The following USP19 variants were observed in gnomAD, a reference collection of about 807,000 sequenced individuals.
USP19 encodes the protein ubiquitin carboxyl-terminal hydrolase 19.
USP19 carries 40 observed loss-of-function variants against 144.8 expected under a neutral mutation model. The ratio of observed to expected loss-of-function variants is 0.28; its 90% CI spans 0.21 to 0.36. The LOEUF is 0.36. Ranked by LOEUF, USP19 falls within the 10% of genes least tolerant of loss-of-function variation. USP19 has a pLI of 1.00. For missense variants in USP19, 1,518 were observed against 1,822.5 expected (o/e 0.83, Z 3.04); for synonymous variants, 701 against 709.3 (o/e 0.99, Z 0.19).
chr3:49,117,975 G>A lies in USP19; in HGVS notation c.270C>T (p.Ser90=), dbSNP rs374615602. The A allele has an allele frequency of 1.2e-6, 2 of 1,611,966 alleles. No individual in the cohort carries two copies. The highest frequency in any genetic ancestry group is 1.7e-6 in the Non-Finnish European group (2 of 1,179,492). The change falls in exon 3 of 27, where the codon TCC becomes TCT. Residue 90 remains serine, a synonymous_variant. Transcript: ENST00000417901. The surrounding 1 kb of genome is among the most constrained non-coding windows in gnomAD (Gnocchi z 4.4). ...LFFPSSSGSA[S]TPQEEQTKEG... Reference sequence around the variant, plus strand: ...CTTTGGTCTGCTCCTCTTGAGGAGTGGATGCTGACCCTGACGATGAAGGAA... The same window carrying A: ...CTTTGGTCTGCTCCTCTTGAGGAGTAGATGCTGACCCTGACGATGAAGGAA...
Position 49,115,190 on chromosome 3 carries a change from G to GC in USP19, c.2022+37dup. 1 of 1,612,566 alleles carries GC rather than the reference G, an allele frequency of 6.2e-7. No individual in the cohort carries two copies. On this transcript the variant is annotated intron_variant, in intron 13 of 26. Coordinates refer to ENST00000417901, the MANE Select transcript of USP19 (RefSeq NM_001199161.2). This position sits in a 1 kb window ranked among gnomAD's most constrained non-coding sequence, Gnocchi z 6.6. ...CACACCCAGCTGGCTGGCCCTCCCC[G>GC]CCCCCTCCAGCCAAGGGTGACAGTG...
chr3:49,112,729 G>A lies in USP19; in HGVS notation c.2506-100C>T, dbSNP rs1188036742. The stretch of plus-strand genomic sequence containing the variant: ...CTTGGCCCTGCCTTGGGTCTATGTG[G>A]GCAGTGGTGAGGTCTGTAGGCCCAA... On this transcript the variant is annotated intron_variant, in intron 17 of 26. Transcript: ENST00000417901. This position sits in a 1 kb window ranked among gnomAD's most constrained non-coding sequence, Gnocchi z 4.9. 3.3e-6 allele frequency: 5 copies of A among 1,501,670 alleles called. No individual in the cohort carries two copies. The highest frequency in any genetic ancestry group is 3.6e-6 in the Non-Finnish European group (4 of 1,119,216). 93.0% of individuals were successfully genotyped at this position (1,501,670 alleles called of 1,614,324 possible). A position where few individuals can be genotyped will look rare whatever the true frequency, so the allele number is the denominator to read the frequency against.
In USP19 at chr3:49,112,938, G is replaced by A. The variant is rs1282115386; in HGVS notation, c.2506-309C>T. ...AGACTGTAACATATTATCATGGAGGGTCCACATTCAAAGAGCCTCCTCCCC... is the reference window on the plus strand; with the variant it reads ...AGACTGTAACATATTATCATGGAGGATCCACATTCAAAGAGCCTCCTCCCC... On this transcript the variant is annotated intron_variant, in intron 17 of 26. Transcript: ENST00000417901. This position sits in a 1 kb window ranked among gnomAD's most constrained non-coding sequence, Gnocchi z 4.9. 6.6e-6 allele frequency among the ~76,000 whole-genome samples: 1 copy of A among 152,124 alleles called. No homozygotes were observed. Among genetic ancestry groups the A allele is most frequent in the South Asian group, 2.1e-4 (1 of 4,830 alleles).
At position 49,108,657 on chromosome 3, in the gene USP19, A is replaced by C; in HGVS notation, c.4039-129T>G. 1 of 1,288,538 alleles carries C rather than the reference A, an allele frequency of 7.8e-7. No homozygotes were observed. Among genetic ancestry groups the C allele is most frequent in the African/African-American group, 1.5e-5 (1 of 65,348 alleles). The allele number at this position is 1,288,538 out of a possible 1,614,324, so 79.8% of individuals were successfully genotyped here. A position where few individuals can be genotyped will look rare whatever the true frequency, so the allele number is the denominator to read the frequency against. On this transcript the variant is annotated intron_variant, in intron 26 of 26. Transcript: ENST00000417901. The surrounding 1 kb of genome is among the most constrained non-coding windows in gnomAD (Gnocchi z 4.8). ...GCAGGCGCAGACAGCAGCGGCGTTG[A>C]GACAGAGAGACGAGATTGGGCCTGA...
Position 49,108,593 on chromosome 3 carries a change from G to A in USP19, c.4039-65C>T. 1 of 1,260,964 alleles carries A rather than the reference G, an allele frequency of 7.9e-7. No homozygotes were observed. The allele number at this position is 1,260,964 out of a possible 1,614,324, so 78.1% of individuals were successfully genotyped here. A position where few individuals can be genotyped will look rare whatever the true frequency, so the allele number is the denominator to read the frequency against. ...GCATGCCGCCTGGCATCCCGGGGGT[G>A]CTGGCTTGGAGCCCTGGCACCCAAG... On this transcript the variant is annotated intron_variant, in intron 26 of 26. Transcript: ENST00000417901. The surrounding 1 kb of genome is among the most constrained non-coding windows in gnomAD (Gnocchi z 4.8).
intron 1 of USP19, among the ~76,000 whole-genome samples, chr3:49,120,206 C>T (rs1161407489): frequency 6.6e-6 from 1 of 152,190 alleles, no homozygotes; most frequent in East Asian, 1.9e-4. Flanking sequence ...TGGCCTGAAC[C>T]AGTAGCAGGA....
rs1469639314 is a variant in USP19, at chr3:49,117,176, T to C, written c.792A>G (p.Ala264=). The C allele has an allele frequency of 1.3e-6, 2 of 1,548,156 alleles. No homozygotes were observed. Among genetic ancestry groups the C allele is most frequent in the South Asian group, 1.2e-5 (1 of 84,200 alleles). The change falls in exon 6 of 27, where the codon GCA becomes GCG. Residue 264 remains alanine, a synonymous_variant. Coordinates refer to ENST00000417901, the MANE Select transcript of USP19 (RefSeq NM_001199161.2). This position sits in a 1 kb window ranked among gnomAD's most constrained non-coding sequence, Gnocchi z 4.4. ...VGAGAGPGAQ[A]GPSAKRAVHL... ...GCACAGCCCTCTTGGCGCTGGGCCCTGCCTGGGCCCCGGGGCCAGCCCCTG... is the reference window on the plus strand; with the variant it reads ...GCACAGCCCTCTTGGCGCTGGGCCCCGCCTGGGCCCCGGGGCCAGCCCCTG...
Position 49,117,112 on chromosome 3 carries a change from C to T in USP19, c.856G>A (p.Asp286Asn), listed in dbSNP as rs1432657811. The change falls in exon 6 of 27, where the codon GAC becomes AAC. Residue 286 changes from aspartate (D) to asparagine (N), a missense_variant. By Grantham distance (23) the Asp-to-Asn change is conservative. Coordinates refer to ENST00000417901, the MANE Select transcript of USP19 (RefSeq NM_001199161.2). The surrounding 1 kb of genome is among the most constrained non-coding windows in gnomAD (Gnocchi z 4.4). ...RGPEGDGSRD[D>N]PGPRGDAPPF... ...GGGGCATCACCCCGGGGTCCAGGGT[C>T]ATCCCTGGACCCGTCCCCCTCTGGC... 6.5e-7 allele frequency: 1 copy of T among 1,534,118 alleles called. No individual in the cohort carries two copies. Among genetic ancestry groups the T allele is most frequent in the Non-Finnish European group, 8.8e-7 (1 of 1,137,978 alleles).
At position 49,108,436 on chromosome 3, in the gene USP19, G is replaced by T; in HGVS notation, c.4131C>A (p.Tyr1377Ter). The change falls in exon 27 of 27, where the codon TAC becomes TAA. Residue 1377 changes from tyrosine (Y) to a stop codon, truncating the protein, a stop_gained. Coordinates refer to ENST00000417901, the MANE Select transcript of USP19 (RefSeq NM_001199161.2). LOFTEE classifies it high-confidence loss of function. The surrounding 1 kb of genome is among the most constrained non-coding windows in gnomAD (Gnocchi z 4.8). ...GCTAATCCACCTCCTCCATGTTGCT[G>T]TAGGTGGGGGCTGGCCGATCCACAG... Reference protein sequence around the residue: ...APPVDRPAPTYSNMEEVD With the variant: ...APPVDRPAPT 7.2e-7 allele frequency: 1 copy of T among 1,388,330 alleles called. No homozygotes were observed. The highest frequency in any genetic ancestry group is 9.5e-7 in the Non-Finnish European group (1 of 1,057,898). 86.0% of individuals were successfully genotyped at this position (1,388,330 alleles called of 1,614,324 possible).
At position 49,112,690 on chromosome 3, in the gene USP19, A is replaced by G; in HGVS notation, c.2506-61T>C. The G allele has an allele frequency of 6.4e-7, 1 of 1,564,196 alleles. No homozygotes were observed. The highest frequency in any genetic ancestry group is 8.7e-7 in the Non-Finnish European group (1 of 1,150,642). ...TAAGCCCTTTCCCTAGCCCTGCCCC[A>G]GAGTTTAAGAAGGCTTGGCCCTGCC... On this transcript the variant is annotated intron_variant, in intron 17 of 26. Transcript: ENST00000417901. The surrounding 1 kb of genome is among the most constrained non-coding windows in gnomAD (Gnocchi z 4.9).
chr3:49,118,236 C>T, intron 2 of USP19, 116 bp from the exon 3 acceptor site: 1 of 547,536 alleles, frequency 1.8e-6, no homozygotes, highest in South Asian at 2.3e-5. Context: ...GCACTGCACT[C>T]CAATCTGTGC....
In USP19 at chr3:49,115,857, G is replaced by A; in HGVS notation, c.1559C>T (p.Thr520Ile). 6.2e-7 allele frequency: 1 copy of A among 1,608,158 alleles called. No individual in the cohort carries two copies. The highest frequency in any genetic ancestry group is 1.3e-5 in the African/African-American group (1 of 74,850). Residue 520 changes from threonine (T) to isoleucine (I), a missense_variant, in exon 11 of 27, where the codon ACA becomes ATA. Physicochemically the swap from Thr to Ile is moderately conservative, Grantham distance 89 (BLOSUM62 -1). Around this residue, in one of 5 missense-constraint regions of USP19, gnomAD observed 707 missense variants for 728.9 expected, o/e 0.97. Transcript: ENST00000417901. This position sits in a 1 kb window ranked among gnomAD's most constrained non-coding sequence, Gnocchi z 6.6. ...CACAGCCCGGGCCTCCTCCTGGCCT[G>A]TCAGGGGGTGGGGAGCACCTCCTGG... ...TPPGGAPHPL[T>I]GQEEARAVEK...
intron 17 of USP19, among the ~76,000 whole-genome samples, chr3:49,113,569 C>T (rs951474269): frequency 8.0e-5 from 12 of 149,560 alleles, no homozygotes; most frequent in South Asian, 2.1e-4. Context: ...TGAGCCACCA[C>T]GCCTGGCCCT....
chr3:49,115,252 A>G lies in USP19; in HGVS notation c.1998T>C (p.His666=), dbSNP rs767162984. 2 of 1,613,942 alleles carry G rather than the reference A, an allele frequency of 1.2e-6. No homozygotes were observed. Among genetic ancestry groups the G allele is most frequent in the East Asian group, 2.2e-5 (1 of 44,888 alleles). ...LLRALWKGTH[H]AFQPSKLKAI... Reference sequence around the variant, plus strand: ...CCTTCAACTTGGAAGGCTGGAAGGCATGGTGGGTGCCCTTCCACAGCGCCC... The same window carrying G: ...CCTTCAACTTGGAAGGCTGGAAGGCGTGGTGGGTGCCCTTCCACAGCGCCC... The change falls in exon 13 of 27, where the codon CAT becomes CAC. Residue 666 remains histidine, a synonymous_variant. Coordinates refer to ENST00000417901, the MANE Select transcript of USP19 (RefSeq NM_001199161.2). The surrounding 1 kb of genome is among the most constrained non-coding windows in gnomAD (Gnocchi z 6.6).
intron 2 of USP19, among the ~76,000 whole-genome samples, chr3:49,118,330 G>A (rs1235446283): frequency 6.6e-6 from 1 of 151,766 alleles, no homozygotes; most frequent in Non-Finnish European, 1.5e-5. Flanking sequence ...CACTTTGAGA[G>A]GCCGAGGTGG....
In USP19 at chr3:49,111,269, C is replaced by T. The variant is rs376820680; in HGVS notation, c.3314G>A (p.Arg1105Gln). ...GCCTCAGACACCTTTGTCCTCTAGC[C>T]GCTGCTCTCGGTTGGATGAATCAAT... ...YKIDSSNREQ[R>Q]LEDKGDTPLE... Residue 1105 changes from arginine to glutamine, a missense_variant, in exon 22 of 27, where the codon CGG becomes CAG. Physicochemically the swap from Arg to Gln is conservative, Grantham distance 43 (BLOSUM62 1). Coordinates refer to ENST00000417901, the MANE Select transcript of USP19 (RefSeq NM_001199161.2). The surrounding 1 kb of genome is among the most constrained non-coding windows in gnomAD (Gnocchi z 5.9). 13 of 1,614,030 alleles carry T rather than the reference C, an allele frequency of 8.1e-6. No homozygotes were observed. The highest frequency in any genetic ancestry group is 1.1e-5 in the South Asian group (1 of 91,076).
Position 49,111,479 on chromosome 3 carries a change from G to A in USP19, c.3217+21C>T. ...CCCTTATCCTCCTCCCCAGCTTCTAGAGCCTTTCACTGGATCTTACCTTCG... is the reference window on the plus strand; with the variant it reads ...CCCTTATCCTCCTCCCCAGCTTCTAAAGCCTTTCACTGGATCTTACCTTCG... On this transcript the variant is annotated intron_variant, in intron 21 of 26. Transcript: ENST00000417901. This position sits in a 1 kb window ranked among gnomAD's most constrained non-coding sequence, Gnocchi z 5.9. 2 of 1,611,588 alleles carry A rather than the reference G, an allele frequency of 1.2e-6. No homozygotes were observed. Among genetic ancestry groups the A allele is most frequent in the Non-Finnish European group, 1.7e-6 (2 of 1,179,552 alleles).
Position 49,111,370 on chromosome 3 carries a change from G to T in USP19, c.3218-5C>A. On this transcript the variant is annotated splice_region_variant and splice_polypyrimidine_tract_variant and intron_variant, in intron 21 of 26. Transcript: ENST00000417901. The surrounding 1 kb of genome is among the most constrained non-coding windows in gnomAD (Gnocchi z 5.9). ...GCTGGTACCCAGGCACAGCAGCTGT[G>T]TGAGAACATGATAATCAAAGCTTCC... 6.2e-7 allele frequency: 1 copy of T among 1,614,158 alleles called. No individual in the cohort carries two copies. The highest frequency in any genetic ancestry group is 1.3e-5 in the African/African-American group (1 of 75,042).
rs555771957 is a variant in USP19, at chr3:49,110,133, C to T, written c.4038+51G>A. ...GAAGCTATATCCCCCAACCCGGCCC[C>T]AGTCTGTGAACTGTCCCCCAGTATT... On this transcript the variant is annotated intron_variant, in intron 26 of 26. Coordinates refer to ENST00000417901, the MANE Select transcript of USP19 (RefSeq NM_001199161.2). This position sits in a 1 kb window ranked among gnomAD's most constrained non-coding sequence, Gnocchi z 6.1. The T allele has an allele frequency of 4.1e-6, 6 of 1,455,688 alleles. No homozygotes were observed. In the African/African-American group the frequency reaches 5.7e-5, roughly 14 times the overall value. 90.2% of individuals were successfully genotyped at this position (1,455,688 alleles called of 1,614,324 possible). A position where few individuals can be genotyped will look rare whatever the true frequency, so the allele number is the denominator to read the frequency against.
Sources: gnomAD v4.1 joint callset for allele counts (sites outside exome capture counted in the v4.1 genomes callset) on GRCh38, gnomAD v4.1.1 for gene constraint, gnomAD v4.1.1 regional missense constraint, Gnocchi (gnomAD v3.1) non-coding constraint, MANE v1.5 for transcripts, NCBI Gene and HGNC (gene_info 2026-07-23, HGNC 2026-07-21) for gene names.